The following TM2D3 variants were observed in gnomAD, a reference collection of about 807,000 sequenced individuals.
The protein encoded by TM2D3 is TM2 domain containing 3, also known as TM2 domain-containing protein 3.
In TM2D3, 33 loss-of-function variants were observed where a neutral mutation model predicts 27.3. That is an observed-to-expected ratio of 1.21 (90% CI 0.92 to 1.61). TM2D3 has a LOEUF of 1.61. TM2D3 is among the 40% of genes most tolerant of loss of function. The pLI is 0.00. For synonymous variants in TM2D3, 138 were observed against 122.2 expected (o/e 1.13, Z -0.85); for missense variants, 364 against 320.8 (o/e 1.13, Z -1.03).
In TM2D3 at chr15:101,641,893, T is replaced by C. The variant is rs753031141; in HGVS notation, c.*586A>G. ...TTAATTTTTCAGTACTCTTACCTTT[T>C]ATATACTACTAAGAAAATTTAAACC... On this transcript the variant is annotated 3_prime_UTR_variant, in exon 6 of 6. Coordinates refer to ENST00000333202, the MANE Select transcript of TM2D3 (RefSeq NM_078474.3). The C allele has an allele frequency of 1.0e-6, 1 of 973,874 alleles. No homozygotes were observed. The highest frequency in any genetic ancestry group is 1.2e-6 in the Non-Finnish European group (1 of 819,362). The allele number at this position is 973,874 out of a possible 1,614,324, so 60.3% of individuals were successfully genotyped here.
chr15:101,644,968 C>A, intron 5 of TM2D3, 119 bp downstream of exon 5: 1 of 877,500 alleles, frequency 1.1e-6, no homozygotes. Flanking sequence ...TTGCTAGAGT[C>A]TAACACACGT....
chr15:101,643,863 T>G (rs1012518953), intron 5 of TM2D3, among the ~76,000 whole-genome samples: 1 of 151,994 alleles, frequency 6.6e-6, no homozygotes, highest in African/African-American at 2.4e-5. Flanking sequence ...CTAATCTTTT[T>G]TTTTGAGACA....
At chr15:101,638,049 A>C (rs1896586163), downstream of TM2D3, among the ~76,000 whole-genome samples, 1 of 152,150 alleles carries the variant, frequency 6.6e-6, no homozygotes, top group Non-Finnish European at 1.5e-5. Context: ...AAATGTCCTG[A>C]ATCAAAGTTT....
At chr15:101,645,439 A>C (rs771165922) in intron 4 of TM2D3, 12 of 380,348 alleles carry the variant, frequency 3.2e-5, no homozygotes, top group Non-Finnish European at 5.7e-5. Context: ...TGTAGTCTTG[A>C]GGCATAAAAA....
chr15:101,649,103 T>C (rs955137078), intron 3 of TM2D3, among the ~76,000 whole-genome samples: 2 of 152,208 alleles, frequency 1.3e-5, no homozygotes, highest in Non-Finnish European at 2.9e-5. Flanking sequence ...AGAAAACTTA[T>C]ATGTTTTTCA....
chr15:101,633,666 T>A lies in TM2D3; in HGVS notation c.*11A>T, dbSNP rs1348599403. The A allele has an allele frequency of 2.6e-6, 4 of 1,532,266 alleles. No homozygotes were observed. The African/African-American group carries it at 4.1e-5, about 16-fold the overall frequency. The allele number at this position is 1,532,266 out of a possible 1,614,324, so 94.9% of individuals were successfully genotyped here. On this transcript the variant is annotated 3_prime_UTR_variant, in exon 5 of 5. Coordinates refer to the TM2D3 transcript ENST00000428002. ...CACGCTCCTCAAAAATCCACCTTTT[T>A]CAGGGTGATGTCAATGAAGTCCAAC...
rs1007517368 is a variant in TM2D3 at position 101,646,772 on chromosome 15, T to C, written c.455A>G (p.Gln152Arg). ...TSCMTVSCPR[Q>R]RYPANCTVRD... ...CACCGTGCAGTTGGCAGGGTAGCGC[T>C]GCCGAGGACAGGACACCGTCATGCA... The change falls in exon 4 of 6, where the codon CAG becomes CGG. Residue 152 changes from glutamine to arginine, a missense_variant. Coordinates refer to ENST00000333202, the MANE Select transcript of TM2D3 (RefSeq NM_078474.3). 16 of 1,614,102 alleles carry C rather than the reference T, an allele frequency of 9.9e-6. No individual in the cohort carries two copies. The highest frequency in any genetic ancestry group is 5.1e-6 in the Non-Finnish European group (6 of 1,180,042).
At position 101,641,903 on chromosome 15, in the gene TM2D3, TA is replaced by T; in HGVS notation, c.*575del. ...AGTACTCTTACCTTTTATATACTACTAAGAAAATTTAAACCATAACTAGACA... is the reference window on the plus strand; with the variant it reads ...AGTACTCTTACCTTTTATATACTACTAGAAAATTTAAACCATAACTAGACA... On this transcript the variant is annotated 3_prime_UTR_variant, in exon 6 of 6. Transcript: ENST00000333202. The T allele has an allele frequency of 1.0e-6, 1 of 978,950 alleles. No homozygotes were observed. Among genetic ancestry groups the T allele is most frequent in the East Asian group, 1.1e-4 (1 of 8,802 alleles). 60.6% of individuals were successfully genotyped at this position (978,950 alleles called of 1,614,324 possible). A position where few individuals can be genotyped will look rare whatever the true frequency, so the allele number is the denominator to read the frequency against.
In TM2D3 at chr15:101,652,269, A is replaced by G. The variant is rs778246824; in HGVS notation, c.91+2T>C. On this transcript the variant is annotated splice_donor_variant, in intron 1 of 5. Coordinates refer to ENST00000333202, the MANE Select transcript of TM2D3 (RefSeq NM_078474.3). LOFTEE classifies it high-confidence loss of function. ...CGGCGCTGAACCCAGCCTTTGACTC[A>G]CCACCGCCCGACAGAATGCAGAACT... is the stretch of plus-strand genomic sequence containing the variant. 6.2e-7 allele frequency: 1 copy of G among 1,604,274 alleles called. No individual in the cohort carries two copies. Among genetic ancestry groups the G allele is most frequent in the Non-Finnish European group, 8.5e-7 (1 of 1,175,850 alleles).
In TM2D3 at chr15:101,642,400, T is replaced by C. The variant is rs1326914387; in HGVS notation, c.*79A>G. 7.0e-7 allele frequency: 1 copy of C among 1,433,516 alleles called. No homozygotes were observed. The highest frequency in any genetic ancestry group is 1.6e-5 in the South Asian group (1 of 63,768). The allele number at this position is 1,433,516 out of a possible 1,614,324, so 88.8% of individuals were successfully genotyped here. On this transcript the variant is annotated 3_prime_UTR_variant, in exon 6 of 6. Transcript: ENST00000333202. ...GCTGTACATTAAAAACATAGAAATA[T>C]ATCACTCACACCACATCAACTCCTA...
intron 3 of TM2D3, 136 bp from the exon 4 acceptor site, chr15:101,647,035 C>T (rs1486578930): frequency 2.4e-6 from 2 of 826,976 alleles, no homozygotes; most frequent in African/African-American, 1.7e-5. Flanking sequence ...GCCAGAAAAA[C>T]AGTTACCAAA....
At chr15:101,637,779 G>A (rs1017222504), downstream of TM2D3, among the ~76,000 whole-genome samples, 2 of 152,116 alleles carry the variant, frequency 1.3e-5, no homozygotes, top group Admixed American at 6.5e-5. Context: ...ACTACGTTGC[G>A]CAGGCAGGTT....
intron 2 of TM2D3, 98 bp from the exon 3 acceptor site, chr15:101,650,259 G>T: frequency 8.2e-7 from 1 of 1,224,556 alleles, no homozygotes; most frequent in Non-Finnish European, 1.1e-6. Flanking sequence ...TTAGCAAGTA[G>T]ACACTGCACT....
In TM2D3 at chr15:101,649,012, T is replaced by C. The variant is rs138008518; in HGVS notation, c.327+992A>G. Among the ~76,000 whole-genome samples, 558 of 152,322 alleles carry C rather than the reference T, an allele frequency of 3.7e-3. 1 individual carries two copies. Among genetic ancestry groups the C allele is most frequent in the African/African-American group, 0.013 (531 of 41,570 alleles). Reference sequence around the variant, plus strand: ...ATAAGATATGAGCATCTGACCCTTATACTCTCACAAACTCAGAGTTAATCA... The same window carrying C: ...ATAAGATATGAGCATCTGACCCTTACACTCTCACAAACTCAGAGTTAATCA... On this transcript the variant is annotated intron_variant, in intron 3 of 5. Coordinates refer to ENST00000333202, the MANE Select transcript of TM2D3 (RefSeq NM_078474.3).
chr15:101,642,736 G>GA (rs1896700647), intron 5 of TM2D3, 92 bp from the exon 6 acceptor site: 1 of 1,121,444 alleles, frequency 8.9e-7, no homozygotes, highest in African/African-American at 1.6e-5. Flanking sequence ...TCAGATTTGA[G>GA]AAAGGGCTTC....
At chr15:101,642,969 C>G (rs767272396) in intron 5 of TM2D3, among the ~76,000 whole-genome samples, 45 of 152,116 alleles carry the variant, frequency 3.0e-4, no homozygotes, top group Non-Finnish European at 5.4e-4. Context: ...AACACGGGGT[C>G]AGGGCTGGAG....
chr15:101,651,861 C>A (rs1896984559), intron 1 of TM2D3, 88 bp from the exon 2 acceptor site: 4 of 1,359,162 alleles, frequency 2.9e-6, no homozygotes, highest in Admixed American at 1.7e-5. Flanking sequence ...CGGGTCTACA[C>A]CAGGCCAATA....
At position 101,651,643 on chromosome 15, in the gene TM2D3, G is replaced by T; in HGVS notation, c.169+53C>A. 2.6e-6 allele frequency: 4 copies of T among 1,516,582 alleles called. No homozygotes were observed. In the South Asian group the frequency reaches 3.6e-5, roughly 14 times the overall value. The allele number at this position is 1,516,582 out of a possible 1,614,324, so 93.9% of individuals were successfully genotyped here. The stretch of plus-strand genomic sequence containing the variant: ...AAGGGAATTTTTATAAAAACAAAGA[G>T]AAACTACTAGAGATAACTACATGTA... On this transcript the variant is annotated intron_variant, in intron 2 of 5. Coordinates refer to ENST00000333202, the MANE Select transcript of TM2D3 (RefSeq NM_078474.3).
intron 1 of TM2D3, 169 bp from the exon 2 acceptor site, chr15:101,651,942 T>C (rs926816896): frequency 3.1e-5 from 21 of 686,312 alleles, no homozygotes; most frequent in African/African-American, 2.4e-4. Context: ...GTCAACAGAG[T>C]AGACATCAGT....
Sources: gnomAD v4.1 joint callset for allele counts (sites outside exome capture counted in the v4.1 genomes callset) on GRCh38, gnomAD v4.1.1 for gene constraint, MANE v1.5 for transcripts, NCBI Gene and HGNC (gene_info 2026-07-23, HGNC 2026-07-21) for gene names.